TMOD3: variants seen among roughly 807,000 people sequenced by gnomAD.
The protein encoded by TMOD3 is tropomodulin-3.
Under a neutral mutation model 39.2 loss-of-function variants are expected in TMOD3, and 20 were observed. The ratio of observed to expected loss-of-function variants is 0.51; its 90% CI spans 0.36 to 0.74. TMOD3 has a LOEUF of 0.74. Ranked by LOEUF, TMOD3 falls within the 30% of genes least tolerant of loss-of-function variation. The pLI is 0.00. For synonymous variants in TMOD3, 143 were observed against 145.8 expected (o/e 0.98, Z 0.14); for missense variants, 381 against 412.8 (o/e 0.92, Z 0.67).
chr15:51,906,897 G>A (rs969198536), intron 9 of TMOD3, among the ~76,000 whole-genome samples: 2 of 151,958 alleles, frequency 1.3e-5, no homozygotes, highest in African/African-American at 4.8e-5. Flanking sequence ...TTGCATGCCT[G>A]TAATCCCAGC....
chr15:51,855,550 G>C (rs529577720), intron 1 of TMOD3, among the ~76,000 whole-genome samples: 1 of 152,218 alleles, frequency 6.6e-6, no homozygotes, highest in Non-Finnish European at 1.5e-5. Context: ...TTAAATGATC[G>C]TGAGAATGTT....
At chr15:51,854,807 A>C (rs2056379922) in intron 1 of TMOD3, among the ~76,000 whole-genome samples, 1 of 152,236 alleles carries the variant, frequency 6.6e-6, no homozygotes, top group Non-Finnish European at 1.5e-5. Context: ...TAAGTGATCC[A>C]GAGGATCTAG....
At chr15:51,851,140 TG>T (rs2056359980) in intron 1 of TMOD3, among the ~76,000 whole-genome samples, 1 of 152,022 alleles carries the variant, frequency 6.6e-6, no homozygotes, top group African/African-American at 2.4e-5. Flanking sequence ...TAAGGACTGC[TG>T]GGGGGTGATA....
intron 3 of TMOD3, among the ~76,000 whole-genome samples, chr15:51,881,733 T>C (rs935232490): frequency 6.7e-6 from 1 of 149,830 alleles, no homozygotes; most frequent in Non-Finnish European, 1.5e-5. Flanking sequence ...AGCTAATTTT[T>C]TTGTATTTCT....
chr15:51,839,256 G>T (rs574488204), intron 1 of TMOD3, among the ~76,000 whole-genome samples: 1 of 144,428 alleles, frequency 6.9e-6, no homozygotes, highest in African/African-American at 2.6e-5. Context: ...TGCAACCTCC[G>T]CCTCCCAGGC....
In TMOD3 at chr15:51,911,944, T is replaced by C. The variant is rs940921941; in HGVS notation, c.*3134T>C. ...AGATGGTTAGAGACTTCAAGGAGAG[T>C]TAGCTTGGTCATTTAATTGCGACTT... On this transcript the variant is annotated 3_prime_UTR_variant, in exon 10 of 10. Transcript: ENST00000308580. The C allele has an allele frequency of 6.6e-6, 1 of 152,014 alleles. No individual in the cohort carries two copies. Among genetic ancestry groups the C allele is most frequent in the African/African-American group, 2.4e-5 (1 of 41,388 alleles). The allele number at this position is 152,014 out of a possible 1,614,324, so 9.4% of individuals were successfully genotyped here.
rs950057788 is a variant in TMOD3, at chr15:51,890,952, C to T, written c.496+1807C>T. 1.2e-4 allele frequency among the ~76,000 whole-genome samples: 18 copies of T among 152,050 alleles called. 1 individual carries two copies. The highest frequency in any genetic ancestry group is 1.0e-3 in the South Asian group (5 of 4,820). ...TAACCCTTCTACTTTTTTTTCTTGA[C>T]GTATTTTAAAGCAAACCCTGTTCAT... On this transcript the variant is annotated intron_variant, in intron 5 of 9. Transcript: ENST00000308580.
chr15:51,839,056 A>T (rs1448973242), intron 1 of TMOD3, among the ~76,000 whole-genome samples: 2 of 152,018 alleles, frequency 1.3e-5, no homozygotes, highest in Non-Finnish European at 2.9e-5. Context: ...GGGGTTGTTC[A>T]TCTCAAAACA....
chr15:51,830,030 G>A (rs1395879038), intron 1 of TMOD3, among the ~76,000 whole-genome samples, 194 bp downstream of exon 1: 1 of 152,068 alleles, frequency 6.6e-6, no homozygotes, highest in Non-Finnish European at 1.5e-5. Flanking sequence ...GGCGGGGGAC[G>A]TGGGGCGCGC....
In TMOD3 at chr15:51,862,985, C is replaced by G; in HGVS notation, c.101C>G (p.Thr34Ser). 7 of 1,613,738 alleles carry G rather than the reference C, an allele frequency of 4.3e-6. No individual in the cohort carries two copies. Among genetic ancestry groups the G allele is most frequent in the Non-Finnish European group, 5.9e-6 (7 of 1,179,796 alleles). ...LSETELKQLE[T>S]VLDDLDPENA... is the part of the protein sequence containing the mutation. ...GAAACAGAACTGAAACAACTGGAAACTGTTTTGGATGATCTTGACCCCGAG... is the reference window on the plus strand; with the variant it reads ...GAAACAGAACTGAAACAACTGGAAAGTGTTTTGGATGATCTTGACCCCGAG... The change falls in exon 2 of 10, where the codon ACT (threonine) becomes AGT (serine). Residue 34 changes from threonine (T) to serine (S), a missense_variant. Physicochemically the swap from Thr to Ser is moderately conservative, Grantham distance 58. Transcript: ENST00000308580.
intron 5 of TMOD3, among the ~76,000 whole-genome samples, chr15:51,891,835 G>A (rs1164759617): frequency 6.6e-6 from 1 of 152,170 alleles, no homozygotes; most frequent in African/African-American, 2.4e-5. Flanking sequence ...GCTCCATTAG[G>A]AAGCTTTTCC....
At chr15:51,832,226 T>C (rs1287494705) in intron 1 of TMOD3, among the ~76,000 whole-genome samples, 1 of 134,580 alleles carries the variant, frequency 7.4e-6, no homozygotes, top group Admixed American at 7.6e-5. Context: ...TATATATATA[T>C]ATATATGAAT....
At chr15:51,885,564 C>T (rs1238708848) in intron 3 of TMOD3, among the ~76,000 whole-genome samples, 2 of 152,184 alleles carry the variant, frequency 1.3e-5, no homozygotes, top group African/African-American at 4.8e-5. Flanking sequence ...CCATTTAACC[C>T]TGAGTGGACA....
chr15:51,891,244 C>CTTT lies in TMOD3; in HGVS notation c.496+2113_496+2115dup, dbSNP rs56932356. 5.2e-4 allele frequency among the ~76,000 whole-genome samples: 68 copies of CTTT among 130,268 alleles called. 2 individuals carry two copies. The highest frequency in any genetic ancestry group is 2.0e-3 in the East Asian group (9 of 4,498). The allele number at this position is 130,268 out of a possible 152,430, so 85.5% of individuals were successfully genotyped here. A position where few individuals can be genotyped will look rare whatever the true frequency, so the allele number is the denominator to read the frequency against. On this transcript the variant is annotated intron_variant, in intron 5 of 9. Transcript: ENST00000308580. ...ACAGTTCTCCTCCCCAACCTCTTTC[C>CTTT]TTTTTTTTTTTTTTTTCTGTGCCAT...
chr15:51,906,520 T>C (rs900013110), intron 9 of TMOD3, among the ~76,000 whole-genome samples: 1 of 152,228 alleles, frequency 6.6e-6, no homozygotes, highest in Admixed American at 6.5e-5. Context: ...TTCTATGGTA[T>C]ACATGCAATA....
intron 3 of TMOD3, among the ~76,000 whole-genome samples, chr15:51,885,927 C>T (rs985762319): frequency 4.8e-5 from 7 of 146,718 alleles, no homozygotes; most frequent in African/African-American, 7.8e-5. Context: ...TGCCCCCCAC[C>T]TCCCTCCCGG....
chr15:51,860,731 T>G (rs920016262), intron 1 of TMOD3: 4 of 389,678 alleles, frequency 1.0e-5, no homozygotes, highest in Non-Finnish European at 2.0e-5. Flanking sequence ...AGGTCAGGAG[T>G]TGGAGACCAG....
At chr15:51,861,171 T>C (rs1279129776) in intron 1 of TMOD3, 2 of 477,324 alleles carry the variant, frequency 4.2e-6, no homozygotes, top group African/African-American at 2.0e-5. Flanking sequence ...GATTCTGTAC[T>C]GTAGATCAGA....
chr15:51,864,865 A>G (rs1171447599), intron 2 of TMOD3, among the ~76,000 whole-genome samples: 3 of 152,166 alleles, frequency 2.0e-5, no homozygotes, highest in African/African-American at 4.8e-5. Flanking sequence ...TGCGTATGAA[A>G]GGTGTGCTCC....
Sources: allele counts gnomAD v4.1 joint callset (sites outside exome capture counted in the v4.1 genomes callset), GRCh38; gene constraint gnomAD v4.1.1; transcripts MANE v1.5; gene names NCBI Gene and HGNC (gene_info 2026-07-23, HGNC 2026-07-21).